Variants in NSD2 observed in about 807,000 individuals in gnomAD.
NSD2 encodes nuclear receptor binding SET domain protein 2.
In NSD2, 12 loss-of-function variants were observed where a neutral mutation model predicts 139.0. The observed-to-expected ratio is 0.09, with a 90% confidence interval of 0.06 to 0.14. The LOEUF is 0.14. Among genes scored for constraint, NSD2 ranks in the 10% least tolerant of loss-of-function variants. NSD2 has a pLI of 1.00. For synonymous variants in NSD2, 669 were observed against 648.7 expected (o/e 1.03, Z -0.48); for missense variants, 1,155 against 1,745.0 (o/e 0.66, Z 6.02).
At chr4:1,921,790 A>G (rs1391092733) in intron 5 of NSD2, among the ~76,000 whole-genome samples, 5 of 151,952 alleles carry the variant, frequency 3.3e-5, no homozygotes, top group African/African-American at 1.2e-4. Flanking sequence ...TCAAAAAAAA[A>G]AAAAAAAAAA....
At position 1,958,427 on chromosome 4, in the gene NSD2, G is replaced by T. The variant is rs1229665050; in HGVS notation, c.2985+391G>T. Among the ~76,000 whole-genome samples the T allele has an allele frequency of 6.6e-6, 1 of 152,240 alleles. No individual in the cohort carries two copies. The highest frequency in any genetic ancestry group is 2.4e-5 in the African/African-American group (1 of 41,468). The stretch of plus-strand genomic sequence containing the variant: ...AAACACGTAGATCCTGTACCTCAGA[G>T]AGCAAGATGGCGGGGCGGCAGGGGA... On this transcript the variant is annotated intron_variant, in intron 16 of 21. Coordinates refer to ENST00000508803, the MANE Select transcript of NSD2 (RefSeq NM_001042424.3). This position sits in a 1 kb window ranked among gnomAD's most constrained non-coding sequence, Gnocchi z 4.6.
rs1270155511 is a variant in NSD2 at position 1,981,761 on chromosome 4, C to T, written c.*2852C>T. 1.0e-5 allele frequency: 4 copies of T among 397,774 alleles called. No individual in the cohort carries two copies. The highest frequency in any genetic ancestry group is 1.8e-5 in the Non-Finnish European group (4 of 225,828). The allele number at this position is 397,774 out of a possible 1,614,324, so 24.6% of individuals were successfully genotyped here. On this transcript the variant is annotated 3_prime_UTR_variant, in exon 22 of 22. Coordinates refer to ENST00000508803, the MANE Select transcript of NSD2 (RefSeq NM_001042424.3). ...CATCTTCCAGGACTACCTTATTTTC[C>T]AGAATTAAACCTGTTTTATAATTCA...
chr4:1,961,183 GTGTGCTGGACC>G, intron 18 of NSD2, 32 bp downstream of exon 18: 2 of 1,561,436 alleles, frequency 1.3e-6, no homozygotes, highest in Middle Eastern at 1.7e-4. Flanking sequence ...AGCTTCTGCA[GTGTGCTGGACC>G]TGGAGCCCTG....
In NSD2 at chr4:1,933,701, A is replaced by G. The variant is rs576270763; in HGVS notation, c.1556-1443A>G. Reference sequence around the variant, plus strand: ...GAGCCACCGCGCCCGGCCCTGCAAGATGTTTTATGAAGAGTCCATTAATAA... The same window carrying G: ...GAGCCACCGCGCCCGGCCCTGCAAGGTGTTTTATGAAGAGTCCATTAATAA... On this transcript the variant is annotated intron_variant, in intron 6 of 21. Coordinates refer to ENST00000508803, the MANE Select transcript of NSD2 (RefSeq NM_001042424.3). 3.9e-4 allele frequency among the ~76,000 whole-genome samples: 59 copies of G among 152,204 alleles called. 1 individual carries two copies. The Middle Eastern group carries it at 0.017, about 44-fold the overall frequency.
Position 1,913,999 on chromosome 4 carries a change from T to G in NSD2, c.761-2872T>G, listed in dbSNP as rs534335479. Among the ~76,000 whole-genome samples, 18 of 152,206 alleles carry G rather than the reference T, an allele frequency of 1.2e-4. No homozygotes were observed. In the South Asian group the frequency reaches 3.5e-3, roughly 30 times the overall value. On this transcript the variant is annotated intron_variant, in intron 3 of 21. Coordinates refer to ENST00000508803, the MANE Select transcript of NSD2 (RefSeq NM_001042424.3). ...TAAGACAGTTTGTATGGGAAGTAAA[T>G]TTGAGTCCTTGCAGTTCAGAGTATG...
rs1444006602 is a variant in NSD2, at chr4:1,973,512, G to GT, written c.3373-1349dup. On this transcript the variant is annotated intron_variant, in intron 18 of 21. Coordinates refer to ENST00000508803, the MANE Select transcript of NSD2 (RefSeq NM_001042424.3). The surrounding 1 kb of genome is among the most constrained non-coding windows in gnomAD (Gnocchi z 5.5). ...GGCAGATGAGCACCCCCACTTCTGT[G>GT]TTGAAGAGTGGCACTCTGGGTTGAT... 2.0e-5 allele frequency among the ~76,000 whole-genome samples: 3 copies of GT among 152,260 alleles called. No homozygotes were observed. The highest frequency in any genetic ancestry group is 6.5e-5 in the Admixed American group (1 of 15,284).
intron 19 of NSD2, 35 bp from the exon 20 acceptor site, chr4:1,975,259 G>T (rs769866382): frequency 1.9e-5 from 31 of 1,599,296 alleles, no homozygotes; most frequent in Middle Eastern, 1.7e-4. Flanking sequence ...AAAGGCAGGT[G>T]TTTCCAATTT....
chr4:1,966,146 G>A (rs1019316253), intron 18 of NSD2, among the ~76,000 whole-genome samples: 1 of 152,168 alleles, frequency 6.6e-6, no homozygotes, highest in Non-Finnish European at 1.5e-5. Flanking sequence ...ATAAACAAAA[G>A]CTGAAGAAGT....
At chr4:1,962,874 G>A (rs1041733042) in intron 18 of NSD2, among the ~76,000 whole-genome samples, 6 of 152,072 alleles carry the variant, frequency 3.9e-5, no homozygotes, top group Admixed American at 1.3e-4. Flanking sequence ...TCTTGAAATA[G>A]CCCTAGAGCT....
intron 3 of NSD2, 109 bp from the exon 4 acceptor site, chr4:1,916,762 A>G (rs1719453101): frequency 9.2e-7 from 1 of 1,082,654 alleles, no homozygotes; most frequent in Non-Finnish European, 1.3e-6. Context: ...TTTTGAGGTT[A>G]ACAGGCTCAG....
At chr4:1,922,836 G>A (rs779204675) in intron 5 of NSD2, among the ~76,000 whole-genome samples, 4 of 152,260 alleles carry the variant, frequency 2.6e-5, no homozygotes, top group Non-Finnish European at 4.4e-5. Context: ...TGAGGCTGGA[G>A]AATTGCTTGA....
intron 18 of NSD2, among the ~76,000 whole-genome samples, chr4:1,969,480 G>A (rs1370822125): frequency 2.6e-5 from 4 of 151,866 alleles, no homozygotes; most frequent in Non-Finnish European, 2.9e-5. Context: ...CAGGAGAACC[G>A]CTTGAGCCCA....
At chr4:1,953,605 T>C (rs1724507661) in intron 12 of NSD2, 81 bp downstream of exon 12, 16 of 1,476,090 alleles carry the variant, frequency 1.1e-5, no homozygotes, top group Non-Finnish European at 1.4e-5. Context: ...GAAGGTGGGC[T>C]GTTGGGATTG....
intron 18 of NSD2, among the ~76,000 whole-genome samples, chr4:1,962,795 T>TGAG (rs1458992426): frequency 6.6e-6 from 1 of 152,186 alleles, no homozygotes; most frequent in Non-Finnish European, 1.5e-5. Flanking sequence ...CTTGGCCTCC[T>TGAG]GAGTATCTGG....
At chr4:1,952,757 G>T in intron 11 of NSD2, 1 of 1,094,992 alleles carries the variant, frequency 9.1e-7, no homozygotes, top group Non-Finnish European at 1.1e-6. Context: ...ATCAGGTGTC[G>T]CCCGGCACAG....
At chr4:1,965,529 A>G (rs1725796491) in intron 18 of NSD2, among the ~76,000 whole-genome samples, 1 of 152,214 alleles carries the variant, frequency 6.6e-6, no homozygotes, top group Non-Finnish European at 1.5e-5. Context: ...AAGCTCAATA[A>G]ACTCCAGATG....
In NSD2 at chr4:1,942,224, C is replaced by A. The variant is rs1723174784; in HGVS notation, c.1881+2446C>A. On this transcript the variant is annotated intron_variant, in intron 9 of 21. Transcript: ENST00000508803. This position sits in a 1 kb window ranked among gnomAD's most constrained non-coding sequence, Gnocchi z 4.0. ...AGGAAGAGAATAAATTAAAATTACA[C>A]ACTTGCATGACAAAGGCCTGTGAAG... 1 of 1,508,978 alleles carries A rather than the reference C, an allele frequency of 6.6e-7. No homozygotes were observed. Among genetic ancestry groups the A allele is most frequent in the Non-Finnish European group, 8.8e-7 (1 of 1,132,936 alleles). 93.5% of individuals were successfully genotyped at this position (1,508,978 alleles called of 1,614,324 possible). A position where few individuals can be genotyped will look rare whatever the true frequency, so the allele number is the denominator to read the frequency against.
At position 1,942,595 on chromosome 4, in the gene NSD2, C is replaced by G. The variant is rs1343434709; in HGVS notation, c.1881+2817C>G. On this transcript the variant is annotated intron_variant, in intron 9 of 21. Transcript: ENST00000508803. The surrounding 1 kb of genome is among the most constrained non-coding windows in gnomAD (Gnocchi z 4.0). ...GATAACTAATCAAGGCCATTTAATC[C>G]GTCACATTCATCTCATAATAGAAAC... 1.5e-6 allele frequency: 2 copies of G among 1,314,052 alleles called. No homozygotes were observed. Among genetic ancestry groups the G allele is most frequent in the Non-Finnish European group, 1.9e-6 (2 of 1,030,154 alleles). 81.4% of individuals were successfully genotyped at this position (1,314,052 alleles called of 1,614,324 possible). A position where few individuals can be genotyped will look rare whatever the true frequency, so the allele number is the denominator to read the frequency against.
At chr4:1,876,054 A>G (rs1297634406) in intron 1 of NSD2, among the ~76,000 whole-genome samples, 1 of 150,710 alleles carries the variant, frequency 6.6e-6, no homozygotes, top group Non-Finnish European at 1.5e-5. Flanking sequence ...TCTCTACTAA[A>G]AATATAAAAA....
Sources: gnomAD v4.1 joint callset for allele counts (sites outside exome capture counted in the v4.1 genomes callset) on GRCh38, gnomAD v4.1.1 for gene constraint, Gnocchi (gnomAD v3.1) non-coding constraint, MANE v1.5 for transcripts, NCBI Gene and HGNC (gene_info 2026-07-23, HGNC 2026-07-21) for gene names.